The following PIK3C2G variants were observed in gnomAD, a reference collection of about 807,000 sequenced individuals.
PIK3C2G encodes phosphatidylinositol-4-phosphate 3-kinase catalytic subunit type 2 gamma, also known as phosphatidylinositol 3-kinase C2 domain-containing subunit gamma.
Under a neutral mutation model 181.1 loss-of-function variants are expected in PIK3C2G, and 168 were observed. The observed-to-expected ratio is 0.93, with a 90% CI of 0.82 to 1.05. PIK3C2G has a LOEUF of 1.05. Ranked by LOEUF, PIK3C2G falls within the 50% of genes least tolerant of loss-of-function variation. The probability of loss-of-function intolerance (pLI) is 0.00; values close to 1 mark genes in which losing one functional copy is unlikely to be tolerated. For synonymous variants in PIK3C2G, 573 were observed against 592.2 expected, an observed-to-expected ratio of 0.97 and a Z score of 0.47; for missense variants, 1,869 against 1,732.8, an observed-to-expected ratio of 1.08 and a Z score of -1.40.
intron 4 of PIK3C2G, 118 bp from the exon 5 acceptor site, chr12:18,293,783 T>G: frequency 1.6e-6 from 1 of 633,088 alleles, no homozygotes; most frequent in Non-Finnish European, 2.8e-6. Flanking sequence ...TTCCCCTTGA[T>G]GAAGCTAGAC....
At chr12:18,350,409 T>C (rs952923136) in intron 11 of PIK3C2G, among the ~76,000 whole-genome samples, 1 of 152,194 alleles carries the variant, frequency 6.6e-6, no homozygotes, top group Non-Finnish European at 1.5e-5. Flanking sequence ...ATACATATTA[T>C]GTAATAAAGT....
At chr12:18,725,917 T>C in the PIK3C2G span, among the ~76,000 whole-genome samples, 1 of 152,120 alleles carries the variant, frequency 6.6e-6, no homozygotes, top group Admixed American at 6.6e-5. Context: ...AAATATCCCT[T>C]CTCTGGGTTC....
intron 18 of PIK3C2G, among the ~76,000 whole-genome samples, chr12:18,477,550 C>T (rs1939128413): frequency 6.6e-6 from 1 of 152,100 alleles, no homozygotes; most frequent in Non-Finnish European, 1.5e-5. Context: ...GTTGTGGAGG[C>T]CTCATAGAAC....
Position 18,399,861 on chromosome 12 carries a change from A to C in PIK3C2G, c.2315+14A>C. 6.5e-7 allele frequency: 1 copy of C among 1,537,872 alleles called. No individual in the cohort carries two copies. The highest frequency in any genetic ancestry group is 1.2e-5 in the South Asian group (1 of 81,824). ...TTTGACTTCCAGGTAAGAATTGCAT[A>C]ACAAGCATGATATTACTGACTGAGA... On this transcript the variant is annotated intron_variant, in intron 16 of 32. Transcript: ENST00000538779.
intron 31 of PIK3C2G, among the ~76,000 whole-genome samples, chr12:18,624,915 T>C (rs78046721): frequency 0.045 from 6,826 of 151,618 alleles, 192 homozygotes; most frequent in Non-Finnish European, 0.06. Context: ...TTAATTTGAG[T>C]CCTCTCTTTT....
chr12:18,480,478 C>G (rs1330079150), intron 18 of PIK3C2G, among the ~76,000 whole-genome samples: 1 of 151,974 alleles, frequency 6.6e-6, no homozygotes, highest in Non-Finnish European at 1.5e-5. Flanking sequence ...TATGAGTAGG[C>G]TGGAAGGAGT....
intron 31 of PIK3C2G, among the ~76,000 whole-genome samples, chr12:18,625,385 A>G (rs1328511328): frequency 1.3e-5 from 2 of 151,752 alleles, no homozygotes; most frequent in African/African-American, 4.8e-5. Flanking sequence ...TAGAAAAGGT[A>G]CTTGCTGTGA....
chr12:18,415,647 T>A (rs950997458), intron 16 of PIK3C2G, among the ~76,000 whole-genome samples: 8 of 152,254 alleles, frequency 5.3e-5, no homozygotes, highest in African/African-American at 1.7e-4. Flanking sequence ...AAAGCTTAGA[T>A]AGGCTAAAAG....
At chr12:18,721,689 T>C in the PIK3C2G span, among the ~76,000 whole-genome samples, 1 of 150,418 alleles carries the variant, frequency 6.6e-6, no homozygotes. Flanking sequence ...ATCAATTCAC[T>C]ACTTCCTTAG....
intron 13 of PIK3C2G, among the ~76,000 whole-genome samples, chr12:18,380,523 A>T (rs958425932): frequency 6.6e-6 from 1 of 152,128 alleles, no homozygotes; most frequent in African/African-American, 2.4e-5. Flanking sequence ...AAATTACAAT[A>T]AAAATTTTCT....
chr12:18,642,562 G>T (rs1949895605), intron 32 of PIK3C2G, among the ~76,000 whole-genome samples: 1 of 152,034 alleles, frequency 6.6e-6, no homozygotes, highest in Non-Finnish European at 1.5e-5. Flanking sequence ...GCCCTTCTCT[G>T]CCTGCTTTGA....
At chr12:18,607,257 A>C (rs1198947362) in intron 30 of PIK3C2G, 3 of 479,858 alleles carry the variant, frequency 6.3e-6, no homozygotes, top group Non-Finnish European at 8.3e-6. Flanking sequence ...TACTAGAAAG[A>C]AATAGTAGAG....
At chr12:18,585,641 A>G (rs532501582) in intron 29 of PIK3C2G, among the ~76,000 whole-genome samples, 3 of 152,192 alleles carry the variant, frequency 2.0e-5, no homozygotes, top group Non-Finnish European at 4.4e-5. Flanking sequence ...CAGATCATTG[A>G]GGCAGAAAAT....
the PIK3C2G span, among the ~76,000 whole-genome samples, chr12:18,722,683 T>C: frequency 6.6e-6 from 1 of 152,042 alleles, no homozygotes; most frequent in Admixed American, 6.6e-5. Flanking sequence ...TTTTTACCCA[T>C]TGAAAGATGG....
At chr12:18,601,382 ATATATT>A (rs973348147) in intron 30 of PIK3C2G, among the ~76,000 whole-genome samples, 3 of 152,148 alleles carry the variant, frequency 2.0e-5, no homozygotes, top group Non-Finnish European at 2.9e-5. Context: ...GTTCAACACC[ATATATT>A]TTCACTCATA....
intron 5 of PIK3C2G, among the ~76,000 whole-genome samples, chr12:18,301,190 C>A (rs779365999): frequency 1.3e-5 from 2 of 151,992 alleles, no homozygotes; most frequent in Non-Finnish European, 2.9e-5. Context: ...ATGGAAAAGA[C>A]CTTTTTGGGT....
At chr12:18,387,059 C>T (rs1444414126) in intron 14 of PIK3C2G, among the ~76,000 whole-genome samples, 2 of 152,158 alleles carry the variant, frequency 1.3e-5, no homozygotes, top group African/African-American at 4.8e-5. Context: ...TTACTTTCAC[C>T]CTCTGAATTC....
chr12:18,362,198 G>A (rs1467294630), intron 11 of PIK3C2G, among the ~76,000 whole-genome samples: 1 of 152,088 alleles, frequency 6.6e-6, no homozygotes, highest in Admixed American at 6.5e-5. Context: ...TAGCAAGTAC[G>A]TGCTAGTAAA....
intron 5 of PIK3C2G, among the ~76,000 whole-genome samples, chr12:18,306,100 T>C (rs1950410414): frequency 6.6e-6 from 1 of 152,054 alleles, no homozygotes; most frequent in Non-Finnish European, 1.5e-5. Context: ...TTCCATTTTT[T>C]GAATTTTAAG....
Sources: allele counts gnomAD v4.1 joint callset (sites outside exome capture counted in the v4.1 genomes callset), GRCh38; gene constraint gnomAD v4.1.1; transcripts MANE v1.5; gene names NCBI Gene and HGNC (gene_info 2026-07-23, HGNC 2026-07-21).